Variants in ZNF730 observed in about 807,000 individuals in gnomAD.
The protein encoded by ZNF730 is putative zinc finger protein 730.
Under a neutral mutation model 12.6 loss-of-function variants are expected in ZNF730, and 12 were observed. That is an observed-to-expected ratio of 0.95 (90% CI 0.61 to 1.54). The LOEUF (loss-of-function observed/expected upper bound fraction) is 1.54. ZNF730 is among the 40% of genes most tolerant of loss of function. ZNF730 has a pLI of 0.00. For synonymous variants in ZNF730, 194 were observed against 195.8 expected (o/e 0.99, Z 0.08); for missense variants, 643 against 583.5 (o/e 1.10, Z -1.05).
At chr19:23,077,151 CAG>C (rs1182412683) in intron 1 of ZNF730, among the ~76,000 whole-genome samples, 2 of 152,046 alleles carry the variant, frequency 1.3e-5, no homozygotes, top group African/African-American at 4.8e-5. Context: ...CACATGGACA[CAG>C]AGGGGAACAA....
intron 3 of ZNF730, among the ~76,000 whole-genome samples, chr19:23,144,500 A>AC (rs1310682399): frequency 2.0e-5 from 3 of 152,058 alleles, no homozygotes; most frequent in African/African-American, 7.2e-5. Flanking sequence ...AGAGATCGAG[A>AC]CCATCCTAGT....
intron 2 of ZNF730, among the ~76,000 whole-genome samples, chr19:23,135,072 G>C (rs1335184623): frequency 7.4e-6 from 1 of 135,852 alleles, no homozygotes; most frequent in African/African-American, 2.8e-5. Context: ...TAAGTACCCA[G>C]GGACACAAAC....
In ZNF730 at chr19:23,136,735, C is replaced by CT. The variant is rs768555021; in HGVS notation, c.226+704dup. 6.4e-3 allele frequency among the ~76,000 whole-genome samples: 906 copies of CT among 142,080 alleles called. 4 individuals carry two copies. Among genetic ancestry groups the CT allele is most frequent in the Non-Finnish European group, 0.011 (715 of 64,842 alleles). 93.2% of individuals were successfully genotyped at this position (142,080 alleles called of 152,430 possible). A position where few individuals can be genotyped will look rare whatever the true frequency, so the allele number is the denominator to read the frequency against. Reference sequence around the variant, plus strand: ...AATTATACAGTATGATGTCCTCCTGCTTTTTTTTTTTTCTTTCAGGATTGC... The same window carrying CT: ...AATTATACAGTATGATGTCCTCCTGCTTTTTTTTTTTTTCTTTCAGGATTGC... On this transcript the variant is annotated intron_variant, in intron 3 of 3. Transcript: ENST00000597761.
intron 3 of ZNF730, 97 bp from the exon 4 acceptor site, chr19:23,145,174 C>T (rs1281157762): frequency 4.9e-6 from 4 of 824,648 alleles, no homozygotes; most frequent in Non-Finnish European, 6.9e-6. Flanking sequence ...TTTTGCTATG[C>T]TATCTTGTTA....
Position 23,080,212 on chromosome 19 carries a change from G to A in ZNF730, c.-94+4825G>A, listed in dbSNP as rs114871487. Among the ~76,000 whole-genome samples the A allele has an allele frequency of 3.1e-3, 473 of 152,118 alleles. 4 individuals are homozygous for A. The highest frequency in any genetic ancestry group is 9.9e-3 in the African/African-American group (411 of 41,506). On this transcript the variant is annotated intron_variant, in intron 1 of 2. Coordinates refer to the ZNF730 transcript ENST00000593635. ...TAATATCCTGTTGTATATATGTGCC[G>A]CATTCGTTTAATCTACTCATTTGTA... is the stretch of plus-strand genomic sequence containing the variant.
At chr19:23,144,482 C>T (rs529849020) in intron 3 of ZNF730, among the ~76,000 whole-genome samples, 1 of 152,086 alleles carries the variant, frequency 6.6e-6, no homozygotes, top group African/African-American at 2.4e-5. Flanking sequence ...GGACATATCA[C>T]AAGGTCAAGA....
chr19:23,127,131 G>T, intron 1 of ZNF730: 1 of 510,486 alleles, frequency 2.0e-6, no homozygotes, highest in Non-Finnish European at 3.8e-6. Flanking sequence ...CCTTATCTCG[G>T]TTATGATATT....
chr19:23,118,988 C>T (rs1007537362), intron 1 of ZNF730, among the ~76,000 whole-genome samples: 1 of 152,162 alleles, frequency 6.6e-6, no homozygotes. Flanking sequence ...GAATCATCTG[C>T]AAACAGAGAT....
chr19:23,144,743 T>C (rs1970979210), intron 3 of ZNF730, among the ~76,000 whole-genome samples: 1 of 150,968 alleles, frequency 6.6e-6, no homozygotes, highest in South Asian at 2.1e-4. Flanking sequence ...ACATTTGTTC[T>C]CTGTCTGTGA....
chr19:23,133,436 G>C (rs1035197538), intron 1 of ZNF730, among the ~76,000 whole-genome samples: 6 of 152,136 alleles, frequency 3.9e-5, no homozygotes, highest in Non-Finnish European at 8.8e-5. Flanking sequence ...CTGTTTCCCA[G>C]GTTCAAGCAA....
chr19:23,079,679 A>C (rs1477329246), intron 1 of ZNF730, among the ~76,000 whole-genome samples: 2 of 152,332 alleles, frequency 1.3e-5, no homozygotes, highest in African/African-American at 2.4e-5. Context: ...AGAAGTATTA[A>C]GTGCAGTCCT....
At chr19:23,128,552 A>AT (rs1970699611) in intron 1 of ZNF730, 2 of 238,208 alleles carry the variant, frequency 8.4e-6, no homozygotes, top group Admixed American at 8.1e-5. Flanking sequence ...AATCCAAACA[A>AT]TTTTCAATGA....
chr19:23,087,547 T>C (rs1234387062), intron 1 of ZNF730, among the ~76,000 whole-genome samples: 1 of 152,166 alleles, frequency 6.6e-6, no homozygotes, highest in Non-Finnish European at 1.5e-5. Flanking sequence ...GATTATGTTA[T>C]CTGCAAACAG....
At chr19:23,141,472 G>T (rs1970919226) in intron 3 of ZNF730, among the ~76,000 whole-genome samples, 2 of 152,078 alleles carry the variant, frequency 1.3e-5, no homozygotes, top group African/African-American at 4.8e-5. Flanking sequence ...GAGATTAAGG[G>T]GTAAGGATTA....
intron 1 of ZNF730, chr19:23,126,456 TG>T: frequency 3.1e-6 from 1 of 320,010 alleles, no homozygotes; most frequent in Non-Finnish European, 6.3e-6. Flanking sequence ...AGATCCATTT[TG>T]TCAGCTGTTT....
In ZNF730 at chr19:23,145,463, C is replaced by A. The variant is rs191781556; in HGVS notation, c.419C>A (p.Ser140Tyr). 255 of 1,570,498 alleles carry A rather than the reference C, an allele frequency of 1.6e-4. No individual in the cohort carries two copies. The African/African-American group carries it at 3.3e-3, about 20-fold the overall frequency. Residue 140 changes from serine to tyrosine, a missense_variant, in exon 4 of 4, where the codon TCC becomes TAC. By Grantham distance (144) the Ser-to-Tyr change is moderately radical (BLOSUM62 -2). Transcript: ENST00000597761. ...YNRHNQCLTT[S>Y]HSKIFQCDKY... ...AGACATAACCAGTGTTTGACAACTTCCCATAGCAAAATATTTCAGTGTGAC... is the reference window on the plus strand; with the variant it reads ...AGACATAACCAGTGTTTGACAACTTACCATAGCAAAATATTTCAGTGTGAC...
At chr19:23,101,155 A>G (rs558340496) in intron 1 of ZNF730, among the ~76,000 whole-genome samples, 2 of 152,320 alleles carry the variant, frequency 1.3e-5, no homozygotes, top group African/African-American at 4.8e-5. Flanking sequence ...TCATAAGAGA[A>G]CATAGCACAT....
Position 23,129,933 on chromosome 19 carries a change from G to A in ZNF730, c.4-4147G>A, listed in dbSNP as rs543405521. 2.5e-4 allele frequency among the ~76,000 whole-genome samples: 38 copies of A among 150,312 alleles called. 1 individual carries two copies. In the South Asian group the frequency reaches 7.9e-3, roughly 31 times the overall value. Reference sequence around the variant, plus strand: ...GGCGTGAACCCGGAAGGCAGAGCTTGCAGTGAGCCAAGATCGTGCCACTGC... The same window carrying A: ...GGCGTGAACCCGGAAGGCAGAGCTTACAGTGAGCCAAGATCGTGCCACTGC... On this transcript the variant is annotated intron_variant, in intron 1 of 3. Transcript: ENST00000597761.
intron 1 of ZNF730, among the ~76,000 whole-genome samples, chr19:23,107,446 T>TA (rs1970406265): frequency 2.3e-4 from 1 of 4,344 alleles, no homozygotes; most frequent in Non-Finnish European, 4.3e-4. Flanking sequence ...AAAAAAAAAA[T>TA]ACCAAAAAAA....
Sources: allele counts gnomAD v4.1 joint callset (sites outside exome capture counted in the v4.1 genomes callset), GRCh38; gene constraint gnomAD v4.1.1; transcripts MANE v1.5; gene names NCBI Gene and HGNC (gene_info 2026-07-23, HGNC 2026-07-21).